The following SEC14L5 variants were observed in gnomAD, a reference collection of about 807,000 sequenced individuals.
SEC14L5 encodes the protein SEC14 like lipid binding 5, also known as SEC14-like protein 5.
SEC14L5 carries 96 observed loss-of-function variants against 84.6 expected under a neutral mutation model. The observed-to-expected ratio is 1.13, with a 90% CI of 0.96 to 1.34. The LOEUF (loss-of-function observed/expected upper bound fraction) is 1.34. Ranked by LOEUF, SEC14L5 falls within the 40% of genes most tolerant of loss-of-function variation. The probability of loss-of-function intolerance (pLI) is 0.00; values close to 1 mark genes in which losing one functional copy is unlikely to be tolerated. For synonymous variants in SEC14L5, 546 were observed against 383.4 expected (o/e 1.42, Z -4.95); for missense variants, 1,224 against 942.5 (o/e 1.30, Z -3.91).
intron 2 of SEC14L5, among the ~76,000 whole-genome samples, chr16:4,965,685 A>G (rs994488778): frequency 3.3e-5 from 5 of 150,850 alleles, no homozygotes; most frequent in African/African-American, 1.2e-4. Context: ...AAAAAAAAAA[A>G]AAAAGAAATC....
intron 5 of SEC14L5, 60 bp downstream of exon 5, chr16:4,990,955 C>A (rs1043801900): frequency 6.4e-6 from 9 of 1,416,070 alleles, no homozygotes; most frequent in Middle Eastern, 1.8e-4. Context: ...CTGCCATCAA[C>A]AGCTGCATGA....
chr16:4,983,909 T>TA (rs766727191), intron 2 of SEC14L5, among the ~76,000 whole-genome samples: 54 of 86,828 alleles, frequency 6.2e-4, no homozygotes, highest in South Asian at 1.0e-3. Flanking sequence ...AATAAATAAA[T>TA]AAATAAATAG....
At chr16:4,967,666 A>G (rs1160779027) in intron 2 of SEC14L5, among the ~76,000 whole-genome samples, 2 of 137,108 alleles carry the variant, frequency 1.5e-5, no homozygotes, top group Admixed American at 8.1e-5. Context: ...TCCACCTCCC[A>G]GGGTCAAGCG....
chr16:4,967,561 CGTTTTTTTTTT>C, intron 2 of SEC14L5, among the ~76,000 whole-genome samples: 1 of 86,272 alleles, frequency 1.2e-5, no homozygotes, highest in Admixed American at 1.2e-4. Flanking sequence ...TTCTTTCTTT[CGTTTTTTTTTT>C]TTTTTTTTTT....
At position 4,990,863 on chromosome 16, in the gene SEC14L5, G is replaced by C. The variant is rs750893044; in HGVS notation, c.442G>C (p.Ala148Pro). The C allele has an allele frequency of 6.2e-7, 1 of 1,608,996 alleles. No homozygotes were observed. The highest frequency in any genetic ancestry group is 8.5e-7 in the Non-Finnish European group (1 of 1,177,622). Residue 148 changes from alanine (A) to proline (P), a missense_variant, in exon 5 of 16, where the codon GCC (alanine) becomes CCC (proline). By Grantham distance (27) the Ala-to-Pro change is conservative (BLOSUM62 -1). Transcript: ENST00000251170. ...CTTTGAAAATGCCTTGGAGAAGATC[G>C]CCATGAAGCAGTACACCGCCAACGT... ...FGFENALEKIAMKQYTANVKR... is the reference protein window; with the variant it reads ...FGFENALEKIPMKQYTANVKR...
chr16:4,965,633 C>A (rs2142473696), intron 2 of SEC14L5, among the ~76,000 whole-genome samples: 1 of 114,476 alleles, frequency 8.7e-6, no homozygotes. Flanking sequence ...TGCACTCCAG[C>A]CTGGGCAAAA....
At chr16:4,981,193 T>C (rs1039848961) in intron 2 of SEC14L5, among the ~76,000 whole-genome samples, 1 of 150,808 alleles carries the variant, frequency 6.6e-6, no homozygotes. Context: ...CTCCACTCAC[T>C]GCAATCTCTG....
In SEC14L5 at chr16:4,959,350, C is replaced by T; in HGVS notation, c.27C>T (p.Val9=). Residue 9 remains valine, a synonymous_variant, in exon 2 of 16, where the codon GTC becomes GTT. Transcript: ENST00000251170. The part of the protein sequence containing the change: MVQRYQSP[V]RVYKYPFELV... Reference sequence around the variant, plus strand: ...TGGTGCAAAGATACCAGTCTCCTGTCCGAGTCTACAAGTACCCGTTTGAGC... The same window carrying T: ...TGGTGCAAAGATACCAGTCTCCTGTTCGAGTCTACAAGTACCCGTTTGAGC... The T allele has an allele frequency of 6.2e-7, 1 of 1,613,852 alleles. No individual in the cohort carries two copies. The highest frequency in any genetic ancestry group is 8.5e-7 in the Non-Finnish European group (1 of 1,179,792).
chr16:5,007,931 C>T (rs1318231689), intron 13 of SEC14L5, among the ~76,000 whole-genome samples: 8 of 121,946 alleles, frequency 6.6e-5, no homozygotes, highest in Non-Finnish European at 1.2e-4. Context: ...TTTTTGAGAC[C>T]GAGTCTCACT....
rs531352042 is a variant in SEC14L5, at chr16:5,011,153, C to A, written c.1859C>A (p.Pro620His). ...CTGCTCCAGTGGCAAATGCACAGCCCCCCCAGCAGCGTGGCCTGCAGCCTC... is the reference window on the plus strand; with the variant it reads ...CTGCTCCAGTGGCAAATGCACAGCCACCCCAGCAGCGTGGCCTGCAGCCTC... ...VYLLQWQMHS[P>H]PSSVACSLPG... Residue 620 changes from proline to histidine, a missense_variant, in exon 15 of 16, where the codon CCC (proline) becomes CAC (histidine). Transcript: ENST00000251170. 4.3e-6 allele frequency: 7 copies of A among 1,612,530 alleles called. No individual in the cohort carries two copies. Among genetic ancestry groups the A allele is most frequent in the Admixed American group, 1.7e-5 (1 of 59,804 alleles).
chr16:4,974,188 T>C (rs563100542), intron 2 of SEC14L5, among the ~76,000 whole-genome samples: 8 of 152,106 alleles, frequency 5.3e-5, no homozygotes, highest in Admixed American at 3.9e-4. Context: ...AGTTCATGAA[T>C]GTACTGAATG....
intron 8 of SEC14L5, among the ~76,000 whole-genome samples, chr16:4,999,438 C>G (rs1196624528): frequency 6.6e-6 from 1 of 152,102 alleles, no homozygotes; most frequent in South Asian, 2.1e-4. Flanking sequence ...GCTCGCCCCC[C>G]TCCACCACAT....
At chr16:5,010,588 C>T (rs1955788565) in intron 14 of SEC14L5, among the ~76,000 whole-genome samples, 1 of 152,104 alleles carries the variant, frequency 6.6e-6, no homozygotes, top group Admixed American at 6.5e-5. Flanking sequence ...GGGTGGAGGG[C>T]CGTCCTGCAT....
chr16:4,982,917 T>C (rs1179416393), intron 2 of SEC14L5, among the ~76,000 whole-genome samples: 2 of 152,104 alleles, frequency 1.3e-5, no homozygotes, highest in Non-Finnish European at 2.9e-5. Flanking sequence ...TTACTGAATA[T>C]TTACATGAAC....
chr16:4,960,388 T>C (rs2142465795), intron 2 of SEC14L5, among the ~76,000 whole-genome samples: 1 of 152,200 alleles, frequency 6.6e-6, no homozygotes, highest in Non-Finnish European at 1.5e-5. Flanking sequence ...TCCACCCCCA[T>C]CTGTCCCACC....
chr16:4,991,187 T>A (rs956683399), intron 5 of SEC14L5, among the ~76,000 whole-genome samples: 10 of 135,134 alleles, frequency 7.4e-5, no homozygotes, highest in Admixed American at 1.5e-4. Context: ...TTTTTTTTTT[T>A]AGATAAAATG....
intron 8 of SEC14L5, among the ~76,000 whole-genome samples, chr16:5,000,349 C>A (rs915438618): frequency 3.3e-5 from 5 of 152,202 alleles, no homozygotes; most frequent in Non-Finnish European, 7.3e-5. Context: ...GTTGCCCAGG[C>A]TGGTCTCAAA....
intron 2 of SEC14L5, among the ~76,000 whole-genome samples, chr16:4,973,216 C>T (rs1955300437): frequency 1.3e-5 from 2 of 152,172 alleles, no homozygotes; most frequent in African/African-American, 4.8e-5. Flanking sequence ...CTCTGCCCCT[C>T]CCCCACGCGC....
chr16:4,969,585 C>A (rs532165613), intron 2 of SEC14L5, among the ~76,000 whole-genome samples: 1 of 151,950 alleles, frequency 6.6e-6, no homozygotes, highest in Non-Finnish European at 1.5e-5. Context: ...GGTTTCACCA[C>A]ATTGGTCAGG....
Sources: allele counts gnomAD v4.1 joint callset (sites outside exome capture counted in the v4.1 genomes callset), GRCh38; gene constraint gnomAD v4.1.1; transcripts MANE v1.5; gene names NCBI Gene and HGNC (gene_info 2026-07-23, HGNC 2026-07-21).